Variants in SLC4A4 observed in about 807,000 individuals in gnomAD.
SLC4A4 encodes the protein solute carrier family 4 member 4, also known as electrogenic sodium bicarbonate cotransporter 1.
SLC4A4 carries 27 observed loss-of-function variants against 111.5 expected under a neutral mutation model. That is an observed-to-expected ratio of 0.24 (90% CI 0.18 to 0.33). The LOEUF (loss-of-function observed/expected upper bound fraction) is 0.33. SLC4A4 is among the 10% of genes least tolerant of loss of function. The probability of loss-of-function intolerance (pLI) is 1.00; values close to 1 mark genes in which losing one functional copy is unlikely to be tolerated. For synonymous variants in SLC4A4, 443 were observed against 463.4 expected, an observed-to-expected ratio of 0.96 and a Z score of 0.57; for missense variants, 909 against 1,315.5, an observed-to-expected ratio of 0.69 and a Z score of 4.78.
intron 3 of SLC4A4, among the ~76,000 whole-genome samples, chr4:71,277,375 C>G (rs1315659908): frequency 6.6e-6 from 1 of 152,134 alleles, no homozygotes; most frequent in African/African-American, 2.4e-5. Context: ...TCCTAACTTG[C>G]ATCTATTTCC....
At chr4:71,107,575 C>T (rs941601470) in intron 2 of SLC4A4, among the ~76,000 whole-genome samples, 1 of 152,106 alleles carries the variant, frequency 6.6e-6, no homozygotes, top group African/African-American at 2.4e-5. Flanking sequence ...GTCTCAAACT[C>T]CCGACCTCAA....
intron 16 of SLC4A4, among the ~76,000 whole-genome samples, chr4:71,500,868 T>C (rs186250260): frequency 2.0e-5 from 3 of 152,322 alleles, no homozygotes; most frequent in Admixed American, 2.0e-4. Context: ...TTGATTACTA[T>C]AGTTTTGTAG....
intron 8 of SLC4A4, among the ~76,000 whole-genome samples, chr4:71,446,806 T>C (rs1725273260): frequency 6.6e-6 from 1 of 152,218 alleles, no homozygotes; most frequent in South Asian, 2.1e-4. Flanking sequence ...CTTTTGTAGA[T>C]TTTTTTGTAA....
intron 16 of SLC4A4, among the ~76,000 whole-genome samples, chr4:71,522,871 T>A (rs1291180986): frequency 6.6e-6 from 1 of 152,228 alleles, no homozygotes; most frequent in African/African-American, 2.4e-5. Flanking sequence ...TCAGAAACTT[T>A]AATGAAAACA....
chr4:71,178,526 C>T (rs937270832), intron 2 of SLC4A4, among the ~76,000 whole-genome samples: 2 of 152,138 alleles, frequency 1.3e-5, no homozygotes, highest in Non-Finnish European at 2.9e-5. Flanking sequence ...AAGGGGATAT[C>T]ACCACCATCC....
chr4:71,360,921 T>A (rs1159665841), intron 6 of SLC4A4, among the ~76,000 whole-genome samples: 2 of 152,086 alleles, frequency 1.3e-5, no homozygotes, highest in Non-Finnish European at 2.9e-5. Context: ...TGGAATTTAT[T>A]GAGCAAAAAG....
intron 4 of SLC4A4, among the ~76,000 whole-genome samples, chr4:71,348,734 C>T (rs1436906871): frequency 6.6e-6 from 1 of 152,100 alleles, no homozygotes; most frequent in Non-Finnish European, 1.5e-5. Flanking sequence ...TATTTTCACT[C>T]CTGGTCTACT....
chr4:71,556,862 A>G (rs1295077093), intron 21 of SLC4A4, among the ~76,000 whole-genome samples: 1 of 151,988 alleles, frequency 6.6e-6, no homozygotes, highest in South Asian at 2.1e-4. Flanking sequence ...AAATAGAGAT[A>G]TTATTTCAGA....
At chr4:71,456,203 A>C (rs894256846) in intron 12 of SLC4A4, among the ~76,000 whole-genome samples, 27 of 152,154 alleles carry the variant, frequency 1.8e-4, no homozygotes, top group African/African-American at 6.3e-4. Flanking sequence ...GATTGTTTGA[A>C]AATACTGAAG....
At chr4:71,526,540 CG>C (rs1578116026) in intron 16 of SLC4A4, among the ~76,000 whole-genome samples, 1 of 152,020 alleles carries the variant, frequency 6.6e-6, no homozygotes, top group Non-Finnish European at 1.5e-5. Flanking sequence ...AGTGCCATCA[CG>C]TATATACATA....
chr4:71,364,992 G>T (rs1036320348), intron 6 of SLC4A4, among the ~76,000 whole-genome samples: 3 of 152,022 alleles, frequency 2.0e-5, no homozygotes, highest in African/African-American at 7.3e-5. Context: ...TACATAATGA[G>T]TTGTCACTCA....
intron 4 of SLC4A4, among the ~76,000 whole-genome samples, chr4:71,342,066 C>G (rs1184810798): frequency 2.6e-5 from 4 of 152,126 alleles, no homozygotes; most frequent in African/African-American, 9.7e-5. Context: ...TTGATAGCTA[C>G]TTAATATTTT....
rs541476546 is a variant in SLC4A4, at chr4:71,428,838, C to G, written c.808-11778C>G. On this transcript the variant is annotated intron_variant, in intron 7 of 25. Coordinates refer to ENST00000264485, the MANE Select transcript of SLC4A4 (RefSeq NM_001098484.3). ...AAAAATAATGTATAGAATGAGATAG[C>G]AATGGGTATAAGCTTTGCAAAAAGA... Among the ~76,000 whole-genome samples the G allele has an allele frequency of 3.3e-5, 5 of 151,954 alleles. No homozygotes were observed. The South Asian group carries it at 1.0e-3, about 32-fold the overall frequency.
intron 2 of SLC4A4, among the ~76,000 whole-genome samples, chr4:71,176,325 C>A (rs58582748): frequency 6.6e-6 from 1 of 152,090 alleles, no homozygotes; most frequent in South Asian, 2.1e-4. Context: ...CAAAGCTGGA[C>A]GGAGAATGAC....
intron 15 of SLC4A4, among the ~76,000 whole-genome samples, chr4:71,491,900 C>A (rs1729957382): frequency 6.6e-6 from 1 of 151,468 alleles, no homozygotes; most frequent in South Asian, 2.1e-4. Flanking sequence ...TTTCCATGAA[C>A]CTATTGATGA....
chr4:71,180,678 A>G (rs1372386303), intron 2 of SLC4A4, among the ~76,000 whole-genome samples: 1 of 152,228 alleles, frequency 6.6e-6, no homozygotes, highest in Non-Finnish European at 1.5e-5. Flanking sequence ...TAGAATGGCA[A>G]TCATTAAAAA....
chr4:71,396,803 G>T lies in SLC4A4; in HGVS notation c.731-774G>T, dbSNP rs181960571. Among the ~76,000 whole-genome samples the T allele has an allele frequency of 3.0e-3, 463 of 152,270 alleles. 3 individuals carry two copies. Among genetic ancestry groups the T allele is most frequent in the African/African-American group, 0.011 (443 of 41,536 alleles). On this transcript the variant is annotated intron_variant, in intron 6 of 25. Transcript: ENST00000264485. ...TCTGAAATCATTGGATGGATCACCG[G>T]TGAACCATATTGACAGCTGCTATAT...
At chr4:71,128,097 G>A (rs1175051510) in intron 2 of SLC4A4, among the ~76,000 whole-genome samples, 1 of 152,116 alleles carries the variant, frequency 6.6e-6, no homozygotes. Flanking sequence ...CTGTTTTCAC[G>A]CCACTGATAA....
intron 6 of SLC4A4, among the ~76,000 whole-genome samples, chr4:71,362,840 C>T (rs915299971): frequency 2.0e-5 from 3 of 152,174 alleles, no homozygotes; most frequent in Non-Finnish European, 2.9e-5. Flanking sequence ...GCGGCTGGCT[C>T]CTAGGCTTCT....
Sources: allele counts gnomAD v4.1 joint callset (sites outside exome capture counted in the v4.1 genomes callset), GRCh38; gene constraint gnomAD v4.1.1; transcripts MANE v1.5; gene names NCBI Gene and HGNC (gene_info 2026-07-23, HGNC 2026-07-21).